The following AGMO variants were observed in gnomAD, a reference collection of about 807,000 sequenced individuals.
The protein encoded by AGMO is alkylglycerol monooxygenase, also known as glyceryl-ether monooxygenase.
Under a neutral mutation model 60.2 loss-of-function variants are expected in AGMO, and 75 were observed. The observed-to-expected ratio is 1.25, with a 90% CI of 1.03 to 1.51. The LOEUF is 1.51. AGMO is among the 40% of genes most tolerant of loss of function. AGMO has a pLI of 0.00. For synonymous variants in AGMO, 261 were observed against 177.1 expected (o/e 1.47, Z -3.76); for missense variants, 763 against 525.5 (o/e 1.45, Z -4.42).
chr7:15,519,248 G>A (rs1783911386), intron 3 of AGMO, among the ~76,000 whole-genome samples: 1 of 151,948 alleles, frequency 6.6e-6, no homozygotes, highest in Non-Finnish European at 1.5e-5. Flanking sequence ...ATATTATCCA[G>A]GAGAACTTCC....
chr7:15,231,908 A>G (rs905798547), intron 12 of AGMO, among the ~76,000 whole-genome samples: 1 of 152,164 alleles, frequency 6.6e-6, no homozygotes, highest in African/African-American at 2.4e-5. Flanking sequence ...TAAAGTAGTT[A>G]CTTATATATT....
At chr7:15,285,644 T>C (rs370368935) in intron 12 of AGMO, among the ~76,000 whole-genome samples, 57 of 152,238 alleles carry the variant, frequency 3.7e-4, no homozygotes, top group African/African-American at 1.3e-3. Flanking sequence ...ATGACCGTAC[T>C]GCCCAAAGCA....
chr7:15,161,936 T>C, the AGMO span, among the ~76,000 whole-genome samples: 1 of 152,110 alleles, frequency 6.6e-6, no homozygotes, highest in Non-Finnish European at 1.5e-5. Flanking sequence ...CAGCTTTGGA[T>C]ATGATTCGTC....
intron 8 of AGMO, among the ~76,000 whole-genome samples, chr7:15,390,134 T>A (rs938282383): frequency 1.3e-5 from 2 of 152,020 alleles, no homozygotes; most frequent in African/African-American, 2.4e-5. Context: ...GTGCCAACCA[T>A]CGAGACCAAT....
chr7:15,396,294 T>TA (rs1249019402), intron 5 of AGMO: 3 of 152,226 alleles, frequency 2.0e-5, no homozygotes, highest in Non-Finnish European at 4.4e-5. Context: ...TCTTCACACA[T>TA]GTCTGCAGTT....
the AGMO span, among the ~76,000 whole-genome samples, chr7:15,182,850 G>C: frequency 8.5e-5 from 13 of 152,144 alleles, no homozygotes; most frequent in Non-Finnish European, 1.9e-4. Flanking sequence ...GGCTTCTGGG[G>C]AGGCCTCAGG....
At chr7:15,290,674 TATAG>T (rs1358368275) in intron 12 of AGMO, among the ~76,000 whole-genome samples, 1 of 152,192 alleles carries the variant, frequency 6.6e-6, no homozygotes, top group African/African-American at 2.4e-5. Flanking sequence ...GTGAATGTCT[TATAG>T]ATAGTGTTTA....
intron 12 of AGMO, among the ~76,000 whole-genome samples, chr7:15,262,641 G>T (rs1378928287): frequency 6.6e-6 from 1 of 151,492 alleles, no homozygotes; most frequent in Non-Finnish European, 1.5e-5. Flanking sequence ...CCCAAAAAGA[G>T]CCTGCATAGC....
chr7:15,120,493 T>C, the AGMO span, among the ~76,000 whole-genome samples: 3 of 152,144 alleles, frequency 2.0e-5, no homozygotes, highest in East Asian at 3.9e-4. Context: ...TTATAGATAA[T>C]GTCACAAGGA....
At chr7:15,140,293 C>T in the AGMO span, among the ~76,000 whole-genome samples, 1 of 152,036 alleles carries the variant, frequency 6.6e-6, no homozygotes, top group African/African-American at 2.4e-5. Flanking sequence ...CTGTTGTTGG[C>T]AAACAACTGT....
chr7:15,326,637 T>TA (rs1404293196), intron 12 of AGMO, among the ~76,000 whole-genome samples: 4 of 152,220 alleles, frequency 2.6e-5, no homozygotes, highest in African/African-American at 9.6e-5. Context: ...TACGTGTGCT[T>TA]ACAGTAATTT....
intron 3 of AGMO, among the ~76,000 whole-genome samples, chr7:15,531,652 A>G: frequency 7.7e-6 from 1 of 130,596 alleles, no homozygotes; most frequent in East Asian, 2.1e-4. Flanking sequence ...TAGAAAATAT[A>G]AATATATATA....
chr7:15,525,784 C>G (rs1269876089), intron 3 of AGMO, among the ~76,000 whole-genome samples: 2 of 152,114 alleles, frequency 1.3e-5, no homozygotes, highest in Non-Finnish European at 2.9e-5. Context: ...GGGTAACGGG[C>G]TGACAGAACA....
At chr7:15,314,676 C>T (rs911825416) in intron 12 of AGMO, among the ~76,000 whole-genome samples, 45 of 152,018 alleles carry the variant, frequency 3.0e-4, no homozygotes, top group African/African-American at 9.2e-4. Context: ...GTGGGTAGGG[C>T]CTCTCTAAAG....
intron 12 of AGMO, among the ~76,000 whole-genome samples, chr7:15,230,872 C>T (rs1365049237): frequency 6.6e-6 from 1 of 152,152 alleles, no homozygotes; most frequent in Non-Finnish European, 1.5e-5. Flanking sequence ...ATCCCATTGG[C>T]CCTCAAACTG....
intron 12 of AGMO, among the ~76,000 whole-genome samples, chr7:15,243,049 T>A (rs6956260): frequency 6.6e-6 from 1 of 151,520 alleles, no homozygotes; most frequent in Non-Finnish European, 1.5e-5. Flanking sequence ...ATGGCTATTC[T>A]ATTATTTTGT....
chr7:15,425,761 A>G (rs1300445983), intron 4 of AGMO, among the ~76,000 whole-genome samples: 1 of 152,008 alleles, frequency 6.6e-6, no homozygotes, highest in African/African-American at 2.4e-5. Context: ...ATTTTTTCTG[A>G]TGGTGGGTAA....
At chr7:15,217,880 G>C (rs920565582) in intron 12 of AGMO, among the ~76,000 whole-genome samples, 4 of 151,940 alleles carry the variant, frequency 2.6e-5, no homozygotes, top group African/African-American at 7.2e-5. Flanking sequence ...TAATTTATGA[G>C]AAATATTATT....
chr7:15,266,574 T>C lies in AGMO; in HGVS notation c.1264-65215A>G, dbSNP rs145869496. Among the ~76,000 whole-genome samples the C allele has an allele frequency of 2.7e-3, 407 of 152,024 alleles. 1 individual carries two copies. Among genetic ancestry groups the C allele is most frequent in the Middle Eastern group, 0.01 (3 of 294 alleles). Reference sequence around the variant, plus strand: ...TTTCCATTTGTCTTCTGCTCAGTGATTGTCAGTTTCAGCTGCTTTCTCGGG... The same window carrying C: ...TTTCCATTTGTCTTCTGCTCAGTGACTGTCAGTTTCAGCTGCTTTCTCGGG... On this transcript the variant is annotated intron_variant, in intron 12 of 12. Coordinates refer to ENST00000342526, the MANE Select transcript of AGMO (RefSeq NM_001004320.2).
Sources: allele counts gnomAD v4.1 joint callset (sites outside exome capture counted in the v4.1 genomes callset), GRCh38; gene constraint gnomAD v4.1.1; transcripts MANE v1.5; gene names NCBI Gene and HGNC (gene_info 2026-07-23, HGNC 2026-07-21).